The following EML6 variants were observed in gnomAD, a reference collection of about 807,000 sequenced individuals.
The protein encoded by EML6 is EMAP like 6.
Under a neutral mutation model 240.1 loss-of-function variants are expected in EML6, and 154 were observed. That is an observed-to-expected ratio of 0.64 (90% CI 0.56 to 0.73). EML6 has a LOEUF of 0.73. Ranked by LOEUF, EML6 falls within the 30% of genes least tolerant of loss-of-function variation. The pLI is 0.00. For synonymous variants in EML6, 1,148 were observed against 899.0 expected (o/e 1.28, Z -4.95); for missense variants, 2,964 against 2,474.6 (o/e 1.20, Z -4.20).
intron 2 of EML6, among the ~76,000 whole-genome samples, chr2:54,799,757 C>G (rs1450559837): frequency 2.6e-5 from 4 of 152,022 alleles, no homozygotes; most frequent in Admixed American, 2.6e-4. Flanking sequence ...GTTTGCTGAC[C>G]CCTTATATAA....
intron 2 of EML6, among the ~76,000 whole-genome samples, chr2:54,728,881 C>G (rs1319888756): frequency 6.6e-6 from 1 of 152,146 alleles, no homozygotes; most frequent in Non-Finnish European, 1.5e-5. Context: ...TTCTTTGCTT[C>G]CCACTTGCCA....
At chr2:54,864,657 A>G (rs934085551) in intron 13 of EML6, among the ~76,000 whole-genome samples, 2 of 152,230 alleles carry the variant, frequency 1.3e-5, no homozygotes, top group African/African-American at 4.8e-5. Flanking sequence ...AAGTGTCGCC[A>G]ATAGAGATTT....
At chr2:54,806,758 C>T (rs1259744470) in intron 2 of EML6, among the ~76,000 whole-genome samples, 3 of 150,760 alleles carry the variant, frequency 2.0e-5, no homozygotes, top group African/African-American at 4.9e-5. Flanking sequence ...CTGTTTTAAT[C>T]ACTGCTTTAG....
At chr2:54,918,668 C>A (rs780466484) in intron 26 of EML6, among the ~76,000 whole-genome samples, 1 of 152,160 alleles carries the variant, frequency 6.6e-6, no homozygotes, top group Non-Finnish European at 1.5e-5. Context: ...TATTAATCTA[C>A]ACGTTGTAAC....
At chr2:54,927,545 G>A (rs953742511) in intron 26 of EML6, among the ~76,000 whole-genome samples, 6 of 152,194 alleles carry the variant, frequency 3.9e-5, no homozygotes, top group Non-Finnish European at 5.9e-5. Flanking sequence ...TTTTTGCCAG[G>A]CTGTGGCTCA....
chr2:54,902,987 G>C (rs1673139234), intron 22 of EML6, 57 bp from the exon 23 acceptor site: 1 of 1,471,928 alleles, frequency 6.8e-7, no homozygotes, highest in Non-Finnish European at 9.2e-7. Context: ...CTTTTCATGT[G>C]GTTTGCTTGA....
intron 5 of EML6, among the ~76,000 whole-genome samples, chr2:54,820,873 T>TG (rs1343255896): frequency 6.6e-6 from 1 of 152,200 alleles, no homozygotes; most frequent in Non-Finnish European, 1.5e-5. Flanking sequence ...GGTGTCAAGT[T>TG]GTGCTCTACA....
At chr2:54,736,052 G>A (rs1003487181) in intron 2 of EML6, among the ~76,000 whole-genome samples, 1 of 152,114 alleles carries the variant, frequency 6.6e-6, no homozygotes, top group Admixed American at 6.5e-5. Context: ...AAAATAGCAG[G>A]GTCCCTTGAA....
chr2:54,878,410 G>C (rs1258871710), intron 16 of EML6, among the ~76,000 whole-genome samples: 1 of 152,194 alleles, frequency 6.6e-6, no homozygotes. Flanking sequence ...CAACCGCACA[G>C]CTAGTGGAAG....
At chr2:54,802,619 T>C (rs1194532521) in intron 2 of EML6, among the ~76,000 whole-genome samples, 1 of 11,848 alleles carries the variant, frequency 8.4e-5, no homozygotes, top group East Asian at 1.5e-3. Flanking sequence ...CCCTGTCTCA[T>C]ACTACTACTA....
At chr2:54,963,921 A>T in intron 36 of EML6, 65 bp from the exon 37 acceptor site, 3 of 1,448,612 alleles carry the variant, frequency 2.1e-6, no homozygotes, top group African/African-American at 2.9e-5. Context: ...CCTGGTGCAG[A>T]ATGTCTCCTG....
At chr2:54,785,467 G>A (rs1354070596) in intron 2 of EML6, among the ~76,000 whole-genome samples, 2 of 152,160 alleles carry the variant, frequency 1.3e-5, no homozygotes, top group Non-Finnish European at 2.9e-5. Flanking sequence ...AAAGGTGTGA[G>A]CCACTGTGCC....
At position 54,891,079 on chromosome 2, in the gene EML6, G is replaced by T; in HGVS notation, c.2464G>T (p.Val822Leu). The change falls in exon 18 of 42, where the codon GTA (valine) becomes TTA (leucine). Residue 822 changes from valine (V) to leucine (L), a missense_variant. By Grantham distance (32) the Val-to-Leu change is conservative. Transcript: ENST00000356458. ...TRGHKDKIFV[V>L]KCNPHHVDKL... ...AGGACATAAAGATAAGATATTTGTG[G>T]TAAAGTGTAACCCACACCATGTTGA... 6.7e-7 allele frequency: 1 copy of T among 1,492,934 alleles called. No individual in the cohort carries two copies. The allele number at this position is 1,492,934 out of a possible 1,614,324, so 92.5% of individuals were successfully genotyped here. A position where few individuals can be genotyped will look rare whatever the true frequency, so the allele number is the denominator to read the frequency against.
chr2:54,962,852 T>C, intron 36 of EML6, 141 bp downstream of exon 36: 1 of 563,410 alleles, frequency 1.8e-6, no homozygotes, highest in Non-Finnish European at 2.9e-6. Context: ...AACCTAACGA[T>C]AAAAGAAGCC....
intron 5 of EML6, among the ~76,000 whole-genome samples, chr2:54,821,454 CATTT>C (rs1314035138): frequency 6.6e-6 from 1 of 152,132 alleles, no homozygotes; most frequent in Admixed American, 6.5e-5. Flanking sequence ...ACAAATGTAT[CATTT>C]ATCTCCAAAT....
chr2:54,742,594 C>A (rs1488425416), intron 2 of EML6, among the ~76,000 whole-genome samples: 1 of 152,198 alleles, frequency 6.6e-6, no homozygotes, highest in Non-Finnish European at 1.5e-5. Flanking sequence ...AGGCGACTGG[C>A]CCCTCTGTGT....
intron 26 of EML6, among the ~76,000 whole-genome samples, chr2:54,922,126 C>T (rs1245996528): frequency 6.6e-6 from 1 of 152,114 alleles, no homozygotes; most frequent in Middle Eastern, 3.2e-3. Flanking sequence ...AATGAAAAGG[C>T]AGCCTATCAA....
At chr2:54,787,021 C>T (rs1423381039) in intron 2 of EML6, among the ~76,000 whole-genome samples, 1 of 152,118 alleles carries the variant, frequency 6.6e-6, no homozygotes, top group East Asian at 1.9e-4. Context: ...GAGGTTAGAA[C>T]ATGAGAAGAC....
intron 22 of EML6, among the ~76,000 whole-genome samples, chr2:54,900,033 G>T (rs1463479104): frequency 6.6e-6 from 1 of 152,186 alleles, no homozygotes; most frequent in African/African-American, 2.4e-5. Flanking sequence ...CCACCTGGGG[G>T]CAATATGTCC....
Sources: gnomAD v4.1 joint callset for allele counts (sites outside exome capture counted in the v4.1 genomes callset) on GRCh38, gnomAD v4.1.1 for gene constraint, MANE v1.5 for transcripts, NCBI Gene and HGNC (gene_info 2026-07-23, HGNC 2026-07-21) for gene names.